The following MDGA2 variants were observed in gnomAD, a reference collection of about 807,000 sequenced individuals.
MDGA2 encodes the protein MAM domain-containing glycosylphosphatidylinositol anchor protein 2.
Under a neutral mutation model 117.8 loss-of-function variants are expected in MDGA2, and 40 were observed. The ratio of observed to expected loss-of-function variants is 0.34; its 90% CI spans 0.26 to 0.44. The LOEUF (loss-of-function observed/expected upper bound fraction) is 0.44, where lower values mean the gene tolerates loss of function less well. Among genes scored for constraint, MDGA2 ranks in the 20% least tolerant of loss-of-function variants. The pLI, the probability that MDGA2 is intolerant of heterozygous loss-of-function variation, is 1.00. For missense variants in MDGA2, 1,123 were observed against 1,250.6 expected (o/e 0.90, Z 1.54); for synonymous variants, 452 against 439.0 (o/e 1.03, Z -0.37).
At chr14:47,426,562 A>T (rs1275979196) in intron 1 of MDGA2, among the ~76,000 whole-genome samples, 1 of 151,690 alleles carries the variant, frequency 6.6e-6, no homozygotes, top group East Asian at 1.9e-4. Flanking sequence ...TAATATAATT[A>T]AAAAATAGCA....
At chr14:47,127,336 C>T (rs981230003) in intron 5 of MDGA2, among the ~76,000 whole-genome samples, 1 of 152,112 alleles carries the variant, frequency 6.6e-6, no homozygotes, top group African/African-American at 2.4e-5. Context: ...TTGTAGTTTA[C>T]AGACTCATTT....
At chr14:46,883,791 T>C (rs952534755) in intron 10 of MDGA2, among the ~76,000 whole-genome samples, 1 of 152,126 alleles carries the variant, frequency 6.6e-6, no homozygotes, top group Non-Finnish European at 1.5e-5. Flanking sequence ...AATTGTAACT[T>C]TTAAGCTATT....
intron 1 of MDGA2, among the ~76,000 whole-genome samples, chr14:47,606,703 G>C (rs554542313): frequency 6.6e-6 from 1 of 152,132 alleles, no homozygotes; most frequent in Non-Finnish European, 1.5e-5. Context: ...AAAGATGTAT[G>C]ATATGATCTG....
At chr14:47,358,661 G>A (rs1329082809) in intron 1 of MDGA2, among the ~76,000 whole-genome samples, 3 of 152,088 alleles carry the variant, frequency 2.0e-5, no homozygotes, top group Non-Finnish European at 2.9e-5. Context: ...ATGTCTTTAC[G>A]TCAATAAAGA....
intron 7 of MDGA2, among the ~76,000 whole-genome samples, chr14:47,044,310 A>C (rs1889180301): frequency 6.6e-6 from 1 of 152,148 alleles, no homozygotes; most frequent in African/African-American, 2.4e-5. Flanking sequence ...CATCTACTAG[A>C]CTTTGATTTG....
intron 2 of MDGA2, among the ~76,000 whole-genome samples, chr14:47,264,505 C>G (rs763544557): frequency 4.6e-5 from 7 of 152,012 alleles, no homozygotes; most frequent in Non-Finnish European, 1.0e-4. Flanking sequence ...TTTTAAAGGG[C>G]TGAACTAAGT....
intron 1 of MDGA2, among the ~76,000 whole-genome samples, chr14:47,666,840 C>G (rs1033638021): frequency 4.6e-5 from 7 of 152,122 alleles, no homozygotes; most frequent in Non-Finnish European, 1.0e-4. Flanking sequence ...CAGCTTCACT[C>G]CTGAAGCCAG....
At chr14:46,899,335 T>C (rs1032443549) in intron 10 of MDGA2, among the ~76,000 whole-genome samples, 2 of 152,038 alleles carry the variant, frequency 1.3e-5, no homozygotes, top group African/African-American at 2.4e-5. Context: ...CTGAGAGTTA[T>C]GATAATACAT....
chr14:47,666,432 T>C (rs1321006049), intron 1 of MDGA2, among the ~76,000 whole-genome samples: 1 of 152,172 alleles, frequency 6.6e-6, no homozygotes. Flanking sequence ...TCAAGGTTTG[T>C]AAATGCACCA....
At chr14:47,629,120 G>A (rs1218036361) in intron 1 of MDGA2, among the ~76,000 whole-genome samples, 3 of 152,016 alleles carry the variant, frequency 2.0e-5, no homozygotes, top group Admixed American at 6.6e-5. Context: ...CACATCCAGG[G>A]TATCTCTTCC....
intron 1 of MDGA2, among the ~76,000 whole-genome samples, chr14:47,493,846 C>A (rs1894223643): frequency 2.0e-5 from 3 of 152,074 alleles, no homozygotes; most frequent in Non-Finnish European, 4.4e-5. Flanking sequence ...GTCATTCTAG[C>A]AGTCATTCAA....
chr14:47,473,748 A>G (rs1005180944), intron 1 of MDGA2, among the ~76,000 whole-genome samples: 3 of 152,182 alleles, frequency 2.0e-5, no homozygotes, highest in Non-Finnish European at 2.9e-5. Context: ...TAGACACAGA[A>G]AAGGCCTTCA....
At chr14:47,065,082 G>A (rs757519527) in intron 6 of MDGA2, among the ~76,000 whole-genome samples, 10 of 152,066 alleles carry the variant, frequency 6.6e-5, no homozygotes, top group Non-Finnish European at 7.4e-5. Context: ...ATCATAAATC[G>A]TGATAGATGA....
chr14:47,535,610 A>G (rs1348774442), intron 1 of MDGA2, among the ~76,000 whole-genome samples: 2 of 152,226 alleles, frequency 1.3e-5, no homozygotes, highest in African/African-American at 2.4e-5. Flanking sequence ...TAATAAAGTG[A>G]CAGGCTAAAA....
At position 47,354,106 on chromosome 14, in the gene MDGA2, C is replaced by T. The variant is rs562533947; in HGVS notation, c.281-52556G>A. Among the ~76,000 whole-genome samples the T allele has an allele frequency of 6.6e-5, 10 of 152,212 alleles. 1 individual carries two copies. Among genetic ancestry groups the T allele is most frequent in the African/African-American group, 2.2e-4 (9 of 41,538 alleles). ...AAAGCATTTGACAAAATTCAACATC[C>T]TATCATGAGAAAAATTCTCAACAAA... On this transcript the variant is annotated intron_variant, in intron 1 of 16. Coordinates refer to ENST00000399232, the MANE Select transcript of MDGA2 (RefSeq NM_001113498.3).
At chr14:47,446,762 T>G (rs1893131470) in intron 1 of MDGA2, among the ~76,000 whole-genome samples, 2 of 152,022 alleles carry the variant, frequency 1.3e-5, no homozygotes, top group African/African-American at 2.4e-5. Flanking sequence ...AGCCAGGGTA[T>G]GTGGATGTAG....
chr14:47,264,933 TTATGTG>T (rs1887916368), intron 2 of MDGA2, among the ~76,000 whole-genome samples: 1 of 152,138 alleles, frequency 6.6e-6, no homozygotes, highest in Non-Finnish European at 1.5e-5. Context: ...CAACTCCCAC[TTATGTG>T]TGAGAACATG....
chr14:46,965,205 G>A (rs1158025096), intron 8 of MDGA2, among the ~76,000 whole-genome samples: 1 of 151,182 alleles, frequency 6.6e-6, no homozygotes, highest in East Asian at 1.9e-4. Flanking sequence ...TTACAGGCGC[G>A]AGCCACCGCG....
intron 1 of MDGA2, among the ~76,000 whole-genome samples, chr14:47,633,429 G>A (rs894523133): frequency 1.3e-5 from 2 of 152,152 alleles, no homozygotes; most frequent in African/African-American, 2.4e-5. Flanking sequence ...TAGTATTTGT[G>A]CATGTGTAAG....
Sources: gnomAD v4.1 joint callset for allele counts (sites outside exome capture counted in the v4.1 genomes callset) on GRCh38, gnomAD v4.1.1 for gene constraint, MANE v1.5 for transcripts, NCBI Gene and HGNC (gene_info 2026-07-23, HGNC 2026-07-21) for gene names.